Variants in IL5RA observed in about 807,000 individuals in gnomAD.
The protein encoded by IL5RA is interleukin 5 receptor subunit alpha, also known as interleukin-5 receptor subunit alpha.
In IL5RA, 49 loss-of-function variants were observed where a neutral mutation model predicts 50.0. That is an observed-to-expected ratio of 0.98 (90% CI 0.78 to 1.24). IL5RA has a LOEUF of 1.24. Among genes scored for constraint, IL5RA ranks in the 50% most tolerant of loss-of-function variants. IL5RA has a pLI of 0.00. For synonymous variants in IL5RA, 202 were observed against 174.0 expected, an observed-to-expected ratio of 1.16 and a Z score of -1.26; for missense variants, 600 against 500.4, an observed-to-expected ratio of 1.20 and a Z score of -1.90.
chr3:3,105,011 A>C, intron 2 of IL5RA, 24 bp from the exon 3 acceptor site: 1 of 1,454,832 alleles, frequency 6.9e-7, no homozygotes, highest in Non-Finnish European at 9.6e-7. Flanking sequence ...GGGAGATACC[A>C]AAATCATCTT....
At chr3:3,107,936 T>C (rs936922548) in intron 2 of IL5RA, among the ~76,000 whole-genome samples, 9 of 152,198 alleles carry the variant, frequency 5.9e-5, no homozygotes, top group South Asian at 2.1e-4. Context: ...CTCTTTTTTT[T>C]CCCAACTTAT....
intron 9 of IL5RA, among the ~76,000 whole-genome samples, chr3:3,081,419 C>G (rs1702661429): frequency 6.6e-6 from 1 of 152,126 alleles, no homozygotes; most frequent in African/African-American, 2.4e-5. Context: ...TTTATAGACA[C>G]CGGATGCAAA....
intron 5 of IL5RA, among the ~76,000 whole-genome samples, chr3:3,099,349 T>C (rs1162610221): frequency 6.6e-6 from 1 of 151,948 alleles, no homozygotes; most frequent in African/African-American, 2.4e-5. Flanking sequence ...AATATAAAAA[T>C]TAGGTGTGGT....
Position 3,102,524 on chromosome 3 carries a change from C to T in IL5RA, c.228+151G>A, listed in dbSNP as rs556391992. 33 of 536,948 alleles carry T rather than the reference C, an allele frequency of 6.1e-5. No homozygotes were observed. The South Asian group carries it at 8.3e-4, about 14-fold the overall frequency. The allele number at this position is 536,948 out of a possible 1,614,324, so 33.3% of individuals were successfully genotyped here. A position where few individuals can be genotyped will look rare whatever the true frequency, so the allele number is the denominator to read the frequency against. ...AATACACCCGGCGCTAGCTCACAGG[C>T]ATTCTTAGAGAGACACTATTCTACT... On this transcript the variant is annotated intron_variant, in intron 4 of 11. Transcript: ENST00000446632.
At chr3:3,097,114 G>C (rs1352985813) in intron 7 of IL5RA, among the ~76,000 whole-genome samples, 3 of 152,364 alleles carry the variant, frequency 2.0e-5, no homozygotes, top group Admixed American at 6.5e-5. Context: ...TGCCATGTGA[G>C]AGCGCCTGAT....
intron 5 of IL5RA, among the ~76,000 whole-genome samples, chr3:3,098,702 G>T (rs544659934): frequency 6.6e-6 from 1 of 152,282 alleles, no homozygotes; most frequent in African/African-American, 2.4e-5. Context: ...ACCATGCCCG[G>T]CCATGATCAC....
intron 9 of IL5RA, among the ~76,000 whole-genome samples, chr3:3,088,385 C>G (rs932521370): frequency 1.3e-5 from 2 of 152,268 alleles, no homozygotes; most frequent in Non-Finnish European, 2.9e-5. Flanking sequence ...CCCTGTCATG[C>G]TCGTCACCAC....
intron 4 of IL5RA, among the ~76,000 whole-genome samples, chr3:3,102,263 G>T (rs1389150833): frequency 6.6e-6 from 1 of 152,202 alleles, no homozygotes; most frequent in Non-Finnish European, 1.5e-5. Flanking sequence ...CTTGTCCCAG[G>T]TTGCAAAGGC....
Position 3,066,381 on chromosome 3 carries a change from A to G in IL5RA, c.*3844T>C, listed in dbSNP as rs527353182. On this transcript the variant is annotated 3_prime_UTR_variant, in exon 12 of 12. Transcript: ENST00000446632. The stretch of plus-strand genomic sequence containing the variant: ...CTGAAACATATTTATATTCACATCT[A>G]TTACCTACAAAACAGGAGATAAGCA... 1.3e-5 allele frequency: 2 copies of G among 152,328 alleles called. No homozygotes were observed. Among genetic ancestry groups the G allele is most frequent in the African/African-American group, 2.4e-5 (1 of 41,572 alleles). 9.4% of individuals were successfully genotyped at this position (152,328 alleles called of 1,614,324 possible). A position where few individuals can be genotyped will look rare whatever the true frequency, so the allele number is the denominator to read the frequency against.
chr3:3,089,883 G>T (rs1703018308), intron 9 of IL5RA: 1 of 199,418 alleles, frequency 5.0e-6, no homozygotes, highest in Non-Finnish European at 1.0e-5. Flanking sequence ...AAAGTGCTGG[G>T]ATTACTGGTG....
chr3:3,107,083 T>G (rs930880320), intron 2 of IL5RA, among the ~76,000 whole-genome samples: 1 of 152,140 alleles, frequency 6.6e-6, no homozygotes, highest in Non-Finnish European at 1.5e-5. Flanking sequence ...TTTTTCAAAT[T>G]TAATCATTCA....
At chr3:3,106,001 C>G (rs1413750196) in intron 2 of IL5RA, among the ~76,000 whole-genome samples, 1 of 152,140 alleles carries the variant, frequency 6.6e-6, no homozygotes, top group East Asian at 1.9e-4. Flanking sequence ...ACGTGCTCCC[C>G]CCAGAGATTT....
chr3:3,078,879 A>C (rs1574979850), intron 9 of IL5RA, among the ~76,000 whole-genome samples: 1 of 150,970 alleles, frequency 6.6e-6, no homozygotes, highest in East Asian at 1.9e-4. Flanking sequence ...GGGCTGCTTC[A>C]TTTCCCAGCT....
intron 7 of IL5RA, 132 bp downstream of exon 7, chr3:3,097,738 G>T: frequency 3.0e-6 from 3 of 986,984 alleles, no homozygotes; most frequent in South Asian, 1.7e-5. Flanking sequence ...TGCCCCAGTG[G>T]TTTTCAAACA....
intron 9 of IL5RA, among the ~76,000 whole-genome samples, chr3:3,086,106 C>A (rs1702850298): frequency 6.6e-6 from 1 of 152,128 alleles, no homozygotes; most frequent in Admixed American, 6.5e-5. Context: ...CTTTGAAGGG[C>A]AATTGCAGTG....
intron 9 of IL5RA, among the ~76,000 whole-genome samples, chr3:3,087,227 T>A (rs899066593): frequency 7.2e-5 from 11 of 152,084 alleles, no homozygotes; most frequent in African/African-American, 2.7e-4. Flanking sequence ...ATAAAACAAT[T>A]GTTTTTAATT....
intron 5 of IL5RA, among the ~76,000 whole-genome samples, chr3:3,098,781 C>T (rs1014427628): frequency 1.3e-5 from 2 of 152,126 alleles, no homozygotes; most frequent in African/African-American, 2.4e-5. Context: ...ATTATAAAGT[C>T]CCCATTTCTG....
chr3:3,107,624 T>C (rs908052402), intron 2 of IL5RA, among the ~76,000 whole-genome samples: 1 of 143,584 alleles, frequency 7.0e-6, no homozygotes, highest in African/African-American at 2.5e-5. Context: ...GAAGCAACTA[T>C]AGGTTGTTTA....
chr3:3,097,950 C>T lies in IL5RA; in HGVS notation c.629G>A (p.Trp210Ter), dbSNP rs1336139364. ...GGAGCCGTTAACAAGCACCGCAAGC[C>T]AGTCACGCCCTTTGCTGAGGATAAA... ...RTFILSKGRDWLAVLVNGSSK... is the reference protein window; with the variant it reads ...RTFILSKGRD The change falls in exon 7 of 12, where the codon TGG becomes TAG. Residue 210 changes from tryptophan (W) to a stop codon, truncating the protein, a stop_gained. Transcript: ENST00000446632. LOFTEE classifies it high-confidence loss of function. 1 of 1,614,080 alleles carries T rather than the reference C, an allele frequency of 6.2e-7. No homozygotes were observed. The highest frequency in any genetic ancestry group is 8.5e-7 in the Non-Finnish European group (1 of 1,180,042).
Sources: gnomAD v4.1 joint callset for allele counts (sites outside exome capture counted in the v4.1 genomes callset) on GRCh38, gnomAD v4.1.1 for gene constraint, MANE v1.5 for transcripts, NCBI Gene and HGNC (gene_info 2026-07-23, HGNC 2026-07-21) for gene names.